Variants in RIMS3 observed in about 807,000 individuals in gnomAD.
RIMS3 encodes regulating synaptic membrane exocytosis protein 3.
Under a neutral mutation model 29.2 loss-of-function variants are expected in RIMS3, and 15 were observed. The ratio of observed to expected loss-of-function variants is 0.51; its 90% CI spans 0.34 to 0.79. The LOEUF (loss-of-function observed/expected upper bound fraction) is 0.79. Among genes scored for constraint, RIMS3 ranks in the 30% least tolerant of loss-of-function variants. The pLI, the probability that RIMS3 is intolerant of heterozygous loss-of-function variation, is 0.01. For synonymous variants in RIMS3, 161 were observed against 170.1 expected (o/e 0.95, Z 0.41); for missense variants, 342 against 421.4 (o/e 0.81, Z 1.65).
intron 4 of RIMS3, among the ~76,000 whole-genome samples, chr1:40,634,185 G>A (rs1646506295): frequency 6.6e-6 from 1 of 152,048 alleles, no homozygotes; most frequent in African/African-American, 2.4e-5. Flanking sequence ...AGAGATAAAA[G>A]GCTGTCCAAG....
At chr1:40,662,239 C>A (rs553075596) in intron 1 of RIMS3, among the ~76,000 whole-genome samples, 1 of 152,166 alleles carries the variant, frequency 6.6e-6, no homozygotes, top group Non-Finnish European at 1.5e-5. Flanking sequence ...CCCTCTACCA[C>A]GCCAAGCCTG....
chr1:40,629,510 C>A, intron 5 of RIMS3, 138 bp from the exon 6 acceptor site: 43 of 714,714 alleles, frequency 6.0e-5, no homozygotes, highest in African/African-American at 7.0e-5. Flanking sequence ...CCACATGGGC[C>A]AAAACTGCTC....
At chr1:40,686,462 C>T in the RIMS3 span, among the ~76,000 whole-genome samples, 6 of 152,076 alleles carry the variant, frequency 3.9e-5, no homozygotes, top group Non-Finnish European at 8.8e-5. Flanking sequence ...ACCTTCCTGG[C>T]TAACACGGTG....
intron 1 of RIMS3, among the ~76,000 whole-genome samples, chr1:40,655,911 G>T (rs1343520758): frequency 6.6e-6 from 1 of 152,250 alleles, no homozygotes; most frequent in African/African-American, 2.4e-5. Context: ...TACTTGGGAG[G>T]CTGAGATAGG....
Position 40,626,639 on chromosome 1 carries a change from C to T in RIMS3, c.805G>A (p.Ala269Thr), listed in dbSNP as rs780772007. 5.9e-5 allele frequency: 96 copies of T among 1,614,068 alleles called. No homozygotes were observed. The highest frequency in any genetic ancestry group is 7.5e-5 in the Non-Finnish European group (89 of 1,180,042). Residue 269 changes from alanine to threonine, a missense_variant, in exon 8 of 8, where the codon GCG becomes ACG. Physicochemically the swap from Ala to Thr is moderately conservative, Grantham distance 58. Transcript: ENST00000372684. ...IMLDELDLSA[A>T]VTGWYKLFPT... The stretch of plus-strand genomic sequence containing the variant: ...AAGAGTTTGTACCAGCCGGTGACCG[C>T]GGCGCTGAGGTCCAGCTCGTCCAGC...
intron 3 of RIMS3, among the ~76,000 whole-genome samples, chr1:40,637,121 G>C (rs953606879): frequency 7.2e-5 from 11 of 152,210 alleles, no homozygotes; most frequent in Non-Finnish European, 1.0e-4. Flanking sequence ...CTACAGGGAG[G>C]GGGAGAGGCC....
the RIMS3 span, chr1:40,690,453 A>AT: frequency 2.6e-5 from 4 of 152,004 alleles, no homozygotes; most frequent in African/African-American, 4.8e-5. Context: ...TAACTTCTTT[A>AT]TAACACTTTT....
At chr1:40,639,631 C>T (rs1365094887) in intron 3 of RIMS3, among the ~76,000 whole-genome samples, 1 of 152,186 alleles carries the variant, frequency 6.6e-6, no homozygotes, top group Non-Finnish European at 1.5e-5. Context: ...ACAAACAAGG[C>T]AGCAGGCTCA....
Position 40,626,252 on chromosome 1 carries a change from GGA to G in RIMS3, c.*263_*264del. 3 of 539,656 alleles carry G rather than the reference GGA, an allele frequency of 5.6e-6. No homozygotes were observed. Among genetic ancestry groups the G allele is most frequent in the Non-Finnish European group, 1.0e-5 (3 of 297,522 alleles). 33.4% of individuals were successfully genotyped at this position (539,656 alleles called of 1,614,324 possible). ...TTTTCAACAAGACACAAAGAGACGT[GGA>G]GACATTTCAGCCCATATCATCACCA... is the stretch of plus-strand genomic sequence containing the variant. On this transcript the variant is annotated 3_prime_UTR_variant, in exon 8 of 8. Transcript: ENST00000372684.
At position 40,625,955 on chromosome 1, in the gene RIMS3, G is replaced by C. The variant is rs1470321503; in HGVS notation, c.*562C>G. 1 of 170,264 alleles carries C rather than the reference G, an allele frequency of 5.9e-6. No homozygotes were observed. Among genetic ancestry groups the C allele is most frequent in the Non-Finnish European group, 1.3e-5 (1 of 77,874 alleles). 10.5% of individuals were successfully genotyped at this position (170,264 alleles called of 1,614,324 possible). A position where few individuals can be genotyped will look rare whatever the true frequency, so the allele number is the denominator to read the frequency against. On this transcript the variant is annotated 3_prime_UTR_variant, in exon 8 of 8. Transcript: ENST00000372684. ...AAGAGCTGCCGGAGCGGCTCCAGTG[G>C]GGTGGGGTTCCCAGAGGGCCCTCAG...
upstream of RIMS3, among the ~76,000 whole-genome samples, chr1:40,668,274 T>TA (rs1557693218): frequency 2.1e-5 from 3 of 144,954 alleles, no homozygotes; most frequent in Non-Finnish European, 3.0e-5. Context: ...AAAAAAAATT[T>TA]ATCTGGGCAT....
the RIMS3 span, among the ~76,000 whole-genome samples, chr1:40,683,274 CAA>C: frequency 6.6e-6 from 1 of 152,234 alleles, no homozygotes; most frequent in African/African-American, 2.4e-5. Flanking sequence ...CTCCAAAACT[CAA>C]GTTGAAATTT....
At chr1:40,678,654 G>A in the RIMS3 span, among the ~76,000 whole-genome samples, 1 of 152,318 alleles carries the variant, frequency 6.6e-6, no homozygotes, top group African/African-American at 2.4e-5. Flanking sequence ...GGGGACAGGT[G>A]AGGAAGCAGA....
the RIMS3 span, chr1:40,691,878 G>A: frequency 3.1e-5 from 12 of 388,726 alleles, no homozygotes; most frequent in South Asian, 1.9e-4. Flanking sequence ...GTGTGTGAGT[G>A]TGCGGGAGTT....
At chr1:40,684,036 T>G in the RIMS3 span, among the ~76,000 whole-genome samples, 1 of 152,192 alleles carries the variant, frequency 6.6e-6, no homozygotes, top group African/African-American at 2.4e-5. Context: ...GATTCAGTGG[T>G]GGACATTTGG....
the RIMS3 span, among the ~76,000 whole-genome samples, chr1:40,685,953 G>A: frequency 1.3e-5 from 2 of 152,062 alleles, no homozygotes; most frequent in Non-Finnish European, 2.9e-5. Flanking sequence ...TTCAAGACCA[G>A]CTTGGCCAAC....
intron 1 of RIMS3, among the ~76,000 whole-genome samples, chr1:40,663,966 C>G (rs757265202): frequency 5.3e-5 from 8 of 152,184 alleles, no homozygotes; most frequent in Non-Finnish European, 1.2e-4. Flanking sequence ...GTTTGTTTTA[C>G]TGAAAGAGTC....
At chr1:40,672,362 C>A in the RIMS3 span, among the ~76,000 whole-genome samples, 1 of 152,058 alleles carries the variant, frequency 6.6e-6, no homozygotes, top group Non-Finnish European at 1.5e-5. Flanking sequence ...CCACGCCCAG[C>A]TAATTTTTTG....
At chr1:40,655,145 G>A (rs1642258008) in intron 1 of RIMS3, among the ~76,000 whole-genome samples, 1 of 152,186 alleles carries the variant, frequency 6.6e-6, no homozygotes, top group Non-Finnish European at 1.5e-5. Flanking sequence ...CAAAGCGGTG[G>A]ACAAAGCGGG....
Sources: gnomAD v4.1 joint callset for allele counts (sites outside exome capture counted in the v4.1 genomes callset) on GRCh38, gnomAD v4.1.1 for gene constraint, MANE v1.5 for transcripts, NCBI Gene and HGNC (gene_info 2026-07-23, HGNC 2026-07-21) for gene names.